NRXN1: variants seen among roughly 807,000 people sequenced by gnomAD.
NRXN1 encodes neurexin 1.
In NRXN1, 39 loss-of-function variants were observed where a neutral mutation model predicts 150.9. The ratio of observed to expected loss-of-function variants is 0.26; its 90% confidence interval spans 0.20 to 0.34. The LOEUF (loss-of-function observed/expected upper bound fraction) is 0.34, where lower values mean the gene tolerates loss of function less well. Among genes scored for constraint, NRXN1 ranks in the 10% least tolerant of loss-of-function variants. NRXN1 has a pLI of 1.00. For synonymous variants in NRXN1, 924 were observed against 757.0 expected, an observed-to-expected ratio of 1.22 and a Z score of -3.62; for missense variants, 1,815 against 1,949.9, an observed-to-expected ratio of 0.93 and a Z score of 1.30.
At chr2:50,954,694 G>A (rs1468454015) in intron 2 of NRXN1, among the ~76,000 whole-genome samples, 1 of 152,174 alleles carries the variant, frequency 6.6e-6, no homozygotes, top group Admixed American at 6.5e-5. Context: ...TTGGTCAGAG[G>A]GCCTGGCATG....
chr2:50,089,736 G>C (rs1699298609), intron 19 of NRXN1, among the ~76,000 whole-genome samples: 1 of 151,280 alleles, frequency 6.6e-6, no homozygotes, highest in South Asian at 2.1e-4. Context: ...GTTACAGTGA[G>C]CTATGACTGC....
At chr2:50,749,712 T>C (rs1700378380) in intron 5 of NRXN1, among the ~76,000 whole-genome samples, 1 of 152,024 alleles carries the variant, frequency 6.6e-6, no homozygotes. Context: ...TTTGGAAGAA[T>C]TAGTAGGCAG....
chr2:50,369,060 A>C (rs1303852137), intron 17 of NRXN1, among the ~76,000 whole-genome samples: 1 of 151,938 alleles, frequency 6.6e-6, no homozygotes, highest in Non-Finnish European at 1.5e-5. Context: ...ATTTGGGTGT[A>C]CCCTGACTAG....
At chr2:50,945,061 G>A (rs1433174542) in intron 2 of NRXN1, among the ~76,000 whole-genome samples, 1 of 152,108 alleles carries the variant, frequency 6.6e-6, no homozygotes, top group Non-Finnish European at 1.5e-5. Flanking sequence ...ATGAGGGGTT[G>A]GCAAACTTTT....
chr2:50,559,396 C>T (rs1668717006), intron 8 of NRXN1, among the ~76,000 whole-genome samples: 1 of 152,184 alleles, frequency 6.6e-6, no homozygotes, highest in South Asian at 2.1e-4. Flanking sequence ...TCAATTCTGA[C>T]ACTTCCAATT....
chr2:50,817,891 A>C (rs1479259596), intron 5 of NRXN1, among the ~76,000 whole-genome samples: 1 of 152,042 alleles, frequency 6.6e-6, no homozygotes, highest in Non-Finnish European at 1.5e-5. Context: ...CAGAGCTAAC[A>C]ACATACTCAA....
chr2:50,163,493 A>G (rs1388123248), intron 18 of NRXN1, among the ~76,000 whole-genome samples: 2 of 152,244 alleles, frequency 1.3e-5, no homozygotes, highest in East Asian at 3.9e-4. Flanking sequence ...ACTTTTGCTA[A>G]CACAGTTTCT....
chr2:51,022,212 A>C (rs1184513126), intron 2 of NRXN1, among the ~76,000 whole-genome samples: 2 of 152,158 alleles, frequency 1.3e-5, no homozygotes, highest in African/African-American at 2.4e-5. Context: ...GACACTTACA[A>C]AATGCTTACT....
At chr2:50,377,995 CT>C (rs765744611) in intron 17 of NRXN1, among the ~76,000 whole-genome samples, 1 of 152,166 alleles carries the variant, frequency 6.6e-6, no homozygotes, top group Non-Finnish European at 1.5e-5. Context: ...TATCATCTAG[CT>C]CTCTGACTCT....
At chr2:50,790,105 CCTG>C (rs1198957283) in intron 5 of NRXN1, among the ~76,000 whole-genome samples, 2 of 151,472 alleles carry the variant, frequency 1.3e-5, no homozygotes, top group African/African-American at 4.9e-5. Flanking sequence ...GAGTTGTAAA[CCTG>C]CTTTTAACTC....
At chr2:50,838,587 G>C (rs1375181131) in intron 5 of NRXN1, among the ~76,000 whole-genome samples, 1 of 152,078 alleles carries the variant, frequency 6.6e-6, no homozygotes, top group Non-Finnish European at 1.5e-5. Flanking sequence ...AATCCAGTAT[G>C]ACTGGCGTCT....
chr2:51,025,704 T>G (rs1670334901), intron 2 of NRXN1, among the ~76,000 whole-genome samples: 2 of 152,190 alleles, frequency 1.3e-5, no homozygotes, highest in South Asian at 4.1e-4. Context: ...AATTACAGTA[T>G]GGAAATTATC....
chr2:50,580,425 T>C (rs1275448454), intron 8 of NRXN1, among the ~76,000 whole-genome samples: 2 of 152,166 alleles, frequency 1.3e-5, no homozygotes, highest in Admixed American at 1.3e-4. Flanking sequence ...CACATTGGTG[T>C]TAATTAACTA....
intron 19 of NRXN1, among the ~76,000 whole-genome samples, chr2:50,064,107 T>C (rs1221110222): frequency 1.3e-5 from 2 of 152,076 alleles, no homozygotes. Flanking sequence ...TTTCCTTTTT[T>C]CTTCTTGACC....
At chr2:50,650,274 A>G (rs916122205) in intron 5 of NRXN1, among the ~76,000 whole-genome samples, 1 of 152,038 alleles carries the variant, frequency 6.6e-6, no homozygotes, top group Non-Finnish European at 1.5e-5. Flanking sequence ...CTTTATATAC[A>G]TGATAAAACA....
At chr2:50,148,185 A>G (rs1167402111) in intron 18 of NRXN1, among the ~76,000 whole-genome samples, 1 of 151,630 alleles carries the variant, frequency 6.6e-6, no homozygotes, top group South Asian at 2.1e-4. Flanking sequence ...TTTAAGTTGT[A>G]AGTCATTTGC....
chr2:50,848,524 G>A (rs542452737), intron 5 of NRXN1, among the ~76,000 whole-genome samples: 4 of 152,166 alleles, frequency 2.6e-5, no homozygotes, highest in South Asian at 2.1e-4. Context: ...TTTCAGAGGC[G>A]GGAGAGAAGT....
At chr2:50,082,312 G>A (rs1343832813) in intron 19 of NRXN1, among the ~76,000 whole-genome samples, 1 of 152,108 alleles carries the variant, frequency 6.6e-6, no homozygotes, top group Non-Finnish European at 1.5e-5. Flanking sequence ...TCTGTTTAAC[G>A]TGACTACTTT....
chr2:50,670,373 T>C (rs11883891), intron 5 of NRXN1, among the ~76,000 whole-genome samples: 4,033 of 150,914 alleles, frequency 0.027, 179 homozygotes, highest in African/African-American at 0.092. Context: ...TTTGCTGAGA[T>C]ATAGGTATGG....
Sources: gnomAD v4.1 joint callset for allele counts (sites outside exome capture counted in the v4.1 genomes callset) on GRCh38, gnomAD v4.1.1 for gene constraint, MANE v1.5 for transcripts, NCBI Gene and HGNC (gene_info 2026-07-23, HGNC 2026-07-21) for gene names.